Variants in SH3BGR observed in about 807,000 individuals in gnomAD.
SH3BGR encodes the protein SH3 domain binding glutamate rich protein, also known as SH3 domain-binding glutamic acid-rich protein.
A neutral mutation model predicts 24.5 loss-of-function variants in SH3BGR; 29 were observed. That is an observed-to-expected ratio of 1.18 (90% CI 0.88 to 1.61). The LOEUF is 1.61. Among genes scored for constraint, SH3BGR ranks in the 40% most tolerant of loss-of-function variants. SH3BGR has a pLI of 0.00. For synonymous variants in SH3BGR, 55 were observed against 65.7 expected (o/e 0.84, Z 0.79); for missense variants, 162 against 205.8 (o/e 0.79, Z 1.30).
At chr21:39,492,462 G>GTATA (rs1422707678) in intron 3 of SH3BGR, among the ~76,000 whole-genome samples, 52 of 102,978 alleles carry the variant, frequency 5.0e-4, no homozygotes, top group African/African-American at 1.4e-3. Context: ...GTGTGTGTGT[G>GTATA]TGTGTATATA....
intron 4 of SH3BGR, among the ~76,000 whole-genome samples, chr21:39,504,728 G>A (rs773167533): frequency 1.2e-4 from 19 of 152,158 alleles, no homozygotes; most frequent in Non-Finnish European, 2.6e-4. Context: ...CTTGCCAGCC[G>A]TGAAAGTCAA....
chr21:39,508,330 A>G (rs1028888067), intron 4 of SH3BGR, among the ~76,000 whole-genome samples: 45 of 152,176 alleles, frequency 3.0e-4, no homozygotes, highest in African/African-American at 9.9e-4. Context: ...TTTTCTTCTT[A>G]GAGGCATTTT....
chr21:39,484,216 T>G (rs893599859), intron 3 of SH3BGR, among the ~76,000 whole-genome samples: 9 of 152,174 alleles, frequency 5.9e-5, no homozygotes, highest in Non-Finnish European at 7.3e-5. Flanking sequence ...CACAGAAGAT[T>G]GTTAGAGATA....
At chr21:39,462,258 G>C (rs1004502133) in intron 1 of SH3BGR, 117 bp from the exon 2 acceptor site, 1 of 694,468 alleles carries the variant, frequency 1.4e-6, no homozygotes, top group African/African-American at 1.9e-5. Flanking sequence ...TTCCTTGTTT[G>C]AATACTTAAC....
chr21:39,482,400 G>A (rs1013146970), intron 3 of SH3BGR, among the ~76,000 whole-genome samples: 3 of 152,208 alleles, frequency 2.0e-5, no homozygotes, highest in Non-Finnish European at 4.4e-5. Context: ...TCTAAAGAAA[G>A]TAACTGTAAA....
Position 39,461,323 on chromosome 21 carries a change from G to A in SH3BGR, c.46-1052G>A, listed in dbSNP as rs996653923. 1.1e-4 allele frequency among the ~76,000 whole-genome samples: 17 copies of A among 152,078 alleles called. 1 individual carries two copies. The highest frequency in any genetic ancestry group is 2.2e-4 in the Non-Finnish European group (15 of 68,032). On this transcript the variant is annotated intron_variant, in intron 1 of 6. Transcript: ENST00000333634. ...TGGCTAATTTTGTATTTTTAGTAGA[G>A]ATGGGGTTTCTCCATGTTGGTCAGG...
In SH3BGR at chr21:39,479,972, A is replaced by C. The variant is rs71316679; in HGVS notation, c.312+4757A>C. Among the ~76,000 whole-genome samples the C allele has an allele frequency of 4.7e-3, 718 of 152,288 alleles. 4 individuals are homozygous for C. Among genetic ancestry groups the C allele is most frequent in the Non-Finnish European group, 5.3e-3 (361 of 68,030 alleles). ...GTATTGTCAGTGGGGCTCTGGTAAGAAGCCAAAGCAAATATCTGTTTTCAG... is the reference window on the plus strand; with the variant it reads ...GTATTGTCAGTGGGGCTCTGGTAAGCAGCCAAAGCAAATATCTGTTTTCAG... On this transcript the variant is annotated intron_variant, in intron 3 of 6. Coordinates refer to ENST00000333634, the MANE Select transcript of SH3BGR (RefSeq NM_007341.3).
At chr21:39,488,726 T>C in intron 3 of SH3BGR, 1 of 459,540 alleles carries the variant, frequency 2.2e-6, no homozygotes, top group Non-Finnish European at 4.4e-6. Context: ...GAAGTAGAGA[T>C]GCTGGCGGCC....
intron 3 of SH3BGR, among the ~76,000 whole-genome samples, chr21:39,489,161 C>G (rs2078258648): frequency 6.6e-6 from 1 of 152,138 alleles, no homozygotes; most frequent in Admixed American, 6.5e-5. Flanking sequence ...GAGAGGAGTT[C>G]CAGAAACAAC....
chr21:39,446,036 C>G (rs887889573), exon 1 of SH3BGR: 3 of 152,182 alleles, frequency 2.0e-5, no homozygotes, highest in Non-Finnish European at 4.4e-5. Context: ...GAGCCTGTCA[C>G]GCGCTCTGGC....
At chr21:39,476,223 G>A (rs897316816) in intron 3 of SH3BGR, among the ~76,000 whole-genome samples, 1 of 152,130 alleles carries the variant, frequency 6.6e-6, no homozygotes, top group Non-Finnish European at 1.5e-5. Context: ...GGAGCGTGTG[G>A]CGTCATGGAA....
intron 1 of SH3BGR, among the ~76,000 whole-genome samples, chr21:39,456,661 G>A (rs983367113): frequency 6.6e-6 from 1 of 152,204 alleles, no homozygotes; most frequent in African/African-American, 2.4e-5. Context: ...TGGGAGGAGG[G>A]CACCTTGGTG....
intron 3 of SH3BGR, among the ~76,000 whole-genome samples, chr21:39,494,100 A>C (rs2078350407): frequency 6.6e-6 from 1 of 152,174 alleles, no homozygotes; most frequent in South Asian, 2.1e-4. Context: ...CTTTCATGTA[A>C]TATGTAGAAA....
At chr21:39,484,361 C>T (rs75163081) in intron 3 of SH3BGR, among the ~76,000 whole-genome samples, 6,955 of 152,148 alleles carry the variant, frequency 0.046, 291 homozygotes, top group African/African-American at 0.11. Context: ...TGAAACACTC[C>T]GGAGATATTC....
At chr21:39,495,775 C>T (rs1269391519) in intron 3 of SH3BGR, among the ~76,000 whole-genome samples, 1 of 152,172 alleles carries the variant, frequency 6.6e-6, no homozygotes, top group African/African-American at 2.4e-5. Context: ...AGCCATCATG[C>T]TCCTTCTGAA....
At chr21:39,465,019 G>A (rs2077817484) in intron 2 of SH3BGR, among the ~76,000 whole-genome samples, 1 of 152,118 alleles carries the variant, frequency 6.6e-6, no homozygotes, top group Admixed American at 6.5e-5. Context: ...GTCTTGCTGT[G>A]TTGCCCAGGC....
intron 1 of SH3BGR, among the ~76,000 whole-genome samples, chr21:39,455,932 C>T (rs2077647850): frequency 6.6e-6 from 1 of 152,138 alleles, no homozygotes; most frequent in Non-Finnish European, 1.5e-5. Context: ...TAACACAATG[C>T]CATGCGTCCA....
chr21:39,457,477 T>C (rs577536130), intron 1 of SH3BGR, among the ~76,000 whole-genome samples: 2 of 145,066 alleles, frequency 1.4e-5, no homozygotes, highest in African/African-American at 5.0e-5. Flanking sequence ...ATTATATAGT[T>C]ATATATATAA....
intron 1 of SH3BGR, among the ~76,000 whole-genome samples, chr21:39,461,629 A>T (rs776406671): frequency 6.6e-6 from 1 of 152,176 alleles, no homozygotes; most frequent in Non-Finnish European, 1.5e-5. Context: ...GCCTTATTTG[A>T]AAGTGGTTTG....
Sources: gnomAD v4.1 joint callset for allele counts (sites outside exome capture counted in the v4.1 genomes callset) on GRCh38, gnomAD v4.1.1 for gene constraint, MANE v1.5 for transcripts, NCBI Gene and HGNC (gene_info 2026-07-23, HGNC 2026-07-21) for gene names.